The following ARID5B variants were observed in gnomAD, a reference collection of about 807,000 sequenced individuals.
ARID5B encodes the protein AT-rich interactive domain-containing protein 5B.
A neutral mutation model predicts 97.2 loss-of-function variants in ARID5B; 13 were observed. The observed-to-expected ratio is 0.13, with a 90% CI of 0.09 to 0.21. ARID5B has a LOEUF of 0.21. Among genes scored for constraint, ARID5B ranks in the 10% least tolerant of loss-of-function variants. The pLI, the probability that ARID5B is intolerant of heterozygous loss-of-function variation, is 1.00. For synonymous variants in ARID5B, 556 were observed against 570.3 expected, an observed-to-expected ratio of 0.97 and a Z score of 0.36; for missense variants, 1,210 against 1,465.3, an observed-to-expected ratio of 0.83 and a Z score of 2.84.
At chr10:61,997,376 A>G (rs577326128) in intron 3 of ARID5B, among the ~76,000 whole-genome samples, 4 of 152,218 alleles carry the variant, frequency 2.6e-5, no homozygotes, top group Middle Eastern at 6.8e-3. Context: ...ATCATCATGA[A>G]AAATGGTTAG....
intron 2 of ARID5B, among the ~76,000 whole-genome samples, chr10:61,913,255 G>A (rs1401480507): frequency 6.6e-6 from 1 of 152,196 alleles, no homozygotes; most frequent in Non-Finnish European, 1.5e-5. Context: ...TGTGCTGTCT[G>A]CCAACATGTT....
chr10:61,996,000 T>C (rs1050695879), intron 3 of ARID5B, among the ~76,000 whole-genome samples: 2 of 152,156 alleles, frequency 1.3e-5, no homozygotes. Flanking sequence ...CCACCAAGCA[T>C]TGCCACAATA....
chr10:61,901,912 A>C (rs1843621547), intron 1 of ARID5B, among the ~76,000 whole-genome samples, 182 bp downstream of exon 1: 1 of 151,224 alleles, frequency 6.6e-6, no homozygotes, highest in Non-Finnish European at 1.5e-5. Context: ...TCATACATAC[A>C]TAATGTAATT....
intron 8 of ARID5B, among the ~76,000 whole-genome samples, chr10:62,078,049 ATGT>A (rs1422854393): frequency 6.6e-6 from 1 of 152,250 alleles, no homozygotes; most frequent in African/African-American, 2.4e-5. Flanking sequence ...AAAATAATAA[ATGT>A]TGTGGGAGAA....
At chr10:62,014,112 A>G (rs999604522) in intron 4 of ARID5B, among the ~76,000 whole-genome samples, 1 of 152,150 alleles carries the variant, frequency 6.6e-6, no homozygotes, top group African/African-American at 2.4e-5. Flanking sequence ...TCTTTTGGCT[A>G]TATACCCAAT....
chr10:61,983,112 C>G (rs1324007166), intron 3 of ARID5B, among the ~76,000 whole-genome samples: 1 of 152,118 alleles, frequency 6.6e-6, no homozygotes, highest in Non-Finnish European at 1.5e-5. Context: ...GTTGGAAGTC[C>G]TGTAAGTTTC....
chr10:61,983,867 CTTTTTTTTTTTTTTTT>C lies in ARID5B; in HGVS notation c.503-16208_503-16193del, dbSNP rs1164342402. 1.1e-4 allele frequency among the ~76,000 whole-genome samples: 3 copies of C among 27,590 alleles called. 1 individual carries two copies. Among genetic ancestry groups the C allele is most frequent in the South Asian group, 2.5e-3 (2 of 806 alleles). 18.1% of individuals were successfully genotyped at this position (27,590 alleles called of 152,430 possible). ...TATATTTTTTAAACCCCCTTTTGTT[CTTTTTTTTTTTTTTTT>C]TTTTTTTTTTTTTTTGAGACGGAGT... is the stretch of plus-strand genomic sequence containing the variant. On this transcript the variant is annotated intron_variant, in intron 3 of 9. Transcript: ENST00000279873.
intron 2 of ARID5B, among the ~76,000 whole-genome samples, chr10:61,927,126 C>G (rs1225102977): frequency 6.6e-6 from 1 of 152,154 alleles, no homozygotes; most frequent in Admixed American, 6.5e-5. Flanking sequence ...CAGTTACCCA[C>G]AAGGGACATT....
chr10:62,071,030 CTTTTT>C (rs565983973), intron 8 of ARID5B, among the ~76,000 whole-genome samples: 1 of 71,162 alleles, frequency 1.4e-5, no homozygotes, highest in African/African-American at 5.3e-5. Flanking sequence ...TCATTCAGAA[CTTTTT>C]TTTTTTTTTT....
intron 2 of ARID5B, among the ~76,000 whole-genome samples, chr10:61,906,994 A>C (rs533342558): frequency 6.6e-6 from 1 of 152,374 alleles, no homozygotes; most frequent in Middle Eastern, 3.4e-3. Flanking sequence ...TGTTATTATC[A>C]TTAATATTAG....
chr10:62,082,796 T>A (rs530142873), intron 8 of ARID5B, among the ~76,000 whole-genome samples: 181 of 152,322 alleles, frequency 1.2e-3, no homozygotes, highest in South Asian at 9.5e-3. Flanking sequence ...GGGGTAATTG[T>A]GTTGTACCAT....
chr10:62,077,904 C>CA (rs1564645615), intron 8 of ARID5B, among the ~76,000 whole-genome samples: 1 of 151,686 alleles, frequency 6.6e-6, no homozygotes, highest in South Asian at 2.1e-4. Context: ...AGCATGTTTC[C>CA]AAAAAAGAAA....
intron 4 of ARID5B, among the ~76,000 whole-genome samples, chr10:62,031,116 C>G (rs1839492072): frequency 6.6e-6 from 1 of 152,130 alleles, no homozygotes; most frequent in South Asian, 2.1e-4. Flanking sequence ...TGCCTGTAAT[C>G]CGAGTTACTC....
intron 4 of ARID5B, among the ~76,000 whole-genome samples, chr10:62,029,295 C>T (rs1327863827): frequency 6.6e-6 from 1 of 152,150 alleles, no homozygotes; most frequent in Non-Finnish European, 1.5e-5. Flanking sequence ...TACTGCTCTC[C>T]AAAAGTCAGC....
In ARID5B at chr10:62,027,285, CTTTTTTTTTTTTTTTTTTTTTTTTTTT is replaced by C. The variant is rs777291593; in HGVS notation, c.734-23588_734-23562del. On this transcript the variant is annotated intron_variant, in intron 4 of 9. Coordinates refer to ENST00000279873, the MANE Select transcript of ARID5B (RefSeq NM_032199.3). ...TGATGCATTAGCCTCACAGTATCTC[CTTTTTTTTTTTTTTTTTTTTTTTTTTT>C]TTTTTTTTTTTTTTGAGACTGAGTC... Among the ~76,000 whole-genome samples, 17 of 67,406 alleles carry C rather than the reference CTTTTTTTTTTTTTTTTTTTTTTTTTTT, an allele frequency of 2.5e-4. No homozygotes were observed. The South Asian group carries it at 3.8e-3, about 15-fold the overall frequency. 44.2% of individuals were successfully genotyped at this position (67,406 alleles called of 152,430 possible).
chr10:61,935,323 T>A (rs969984071), intron 2 of ARID5B, among the ~76,000 whole-genome samples: 1 of 152,080 alleles, frequency 6.6e-6, no homozygotes, highest in Non-Finnish European at 1.5e-5. Flanking sequence ...CCTCAGTCAG[T>A]GCGTGGATAA....
chr10:62,040,789 T>C (rs1161711331), intron 4 of ARID5B, among the ~76,000 whole-genome samples: 3 of 152,238 alleles, frequency 2.0e-5, no homozygotes, highest in Non-Finnish European at 4.4e-5. Flanking sequence ...AGTGTGTATT[T>C]TACACTGCGG....
chr10:62,043,047 T>A (rs188478827), intron 4 of ARID5B, among the ~76,000 whole-genome samples: 3 of 152,058 alleles, frequency 2.0e-5, no homozygotes, highest in Non-Finnish European at 4.4e-5. Context: ...ATCCCAAAGA[T>A]GCATAGGCTC....
At chr10:61,963,801 C>A (rs1051097162) in intron 3 of ARID5B, among the ~76,000 whole-genome samples, 2 of 151,852 alleles carry the variant, frequency 1.3e-5, no homozygotes, top group East Asian at 3.9e-4. Context: ...CTTCTGTGTG[C>A]AGTTACTATA....
Sources: allele counts gnomAD v4.1 joint callset (sites outside exome capture counted in the v4.1 genomes callset), GRCh38; gene constraint gnomAD v4.1.1; transcripts MANE v1.5; gene names NCBI Gene and HGNC (gene_info 2026-07-23, HGNC 2026-07-21).